Variants in TCTN1 observed in about 807,000 individuals in gnomAD.
TCTN1 encodes the protein tectonic family member 1, also known as tectonic-1.
In TCTN1, 58 loss-of-function variants were observed where a neutral mutation model predicts 65.8. That is an observed-to-expected ratio of 0.88 (90% CI 0.71 to 1.10). The LOEUF (loss-of-function observed/expected upper bound fraction) is 1.10, where lower values mean the gene tolerates loss of function less well. TCTN1 is among the 50% of genes least tolerant of loss of function. The pLI is 0.00. For synonymous variants in TCTN1, 273 were observed against 289.1 expected (o/e 0.94, Z 0.57); for missense variants, 645 against 719.4 (o/e 0.90, Z 1.18).
chr12:110,636,858 A>G (rs1367893679), intron 7 of TCTN1, among the ~76,000 whole-genome samples: 1 of 152,242 alleles, frequency 6.6e-6, no homozygotes, highest in Non-Finnish European at 1.5e-5. Context: ...CTGCCCGTCC[A>G]GGGCAGAAGC....
chr12:110,647,111 A>G, intron 12 of TCTN1, 85 bp from the exon 13 acceptor site: 1 of 1,508,268 alleles, frequency 6.6e-7, no homozygotes, highest in Non-Finnish European at 9.2e-7. Flanking sequence ...AACATTTTGT[A>G]ATATGTGAAA....
chr12:110,634,241 A>C (rs1287418680), intron 5 of TCTN1, among the ~76,000 whole-genome samples: 5 of 152,126 alleles, frequency 3.3e-5, no homozygotes, highest in Admixed American at 6.6e-5. Context: ...GAGACACAAG[A>C]AGCCTCATGC....
At position 110,639,839 on chromosome 12, in the gene TCTN1, C is replaced by T. The variant is rs117147793; in HGVS notation, c.844-544C>T. ...CTCCTCATTCTTCCCCAGCTTTGTC[C>T]CCCATCCCCTGGCAACCACCGATCT... On this transcript the variant is annotated intron_variant, in intron 7 of 14. Transcript: ENST00000397659. This position sits in a 1 kb window ranked among gnomAD's most constrained non-coding sequence, Gnocchi z 4.9. Among the ~76,000 whole-genome samples the T allele has an allele frequency of 4.9e-3, 741 of 152,154 alleles. 1 individual carries two copies. The highest frequency in any genetic ancestry group is 8.5e-3 in the Non-Finnish European group (581 of 68,002).
intron 1 of TCTN1, among the ~76,000 whole-genome samples, chr12:110,617,887 C>T (rs2065154271): frequency 6.6e-6 from 1 of 152,044 alleles, no homozygotes. Context: ...GATCCACCTG[C>T]CTCAGCCTCC....
intron 5 of TCTN1, among the ~76,000 whole-genome samples, chr12:110,633,173 C>A (rs183767113): frequency 6.6e-6 from 1 of 152,316 alleles, no homozygotes; most frequent in East Asian, 1.9e-4. Context: ...CAAGAGTTTG[C>A]AGAATGGCCC....
chr12:110,635,366 C>T (rs987227425), intron 6 of TCTN1, among the ~76,000 whole-genome samples: 7 of 152,152 alleles, frequency 4.6e-5, no homozygotes, highest in African/African-American at 1.7e-4. Flanking sequence ...TGATTAAAAA[C>T]CATATGATAG....
intron 14 of TCTN1, 110 bp downstream of exon 14, chr12:110,648,003 G>A (rs1421470923): frequency 4.6e-6 from 7 of 1,521,986 alleles, no homozygotes; most frequent in South Asian, 1.1e-5. Context: ...TGAGGGTCTC[G>A]CTTTGTTGCC....
At chr12:110,624,003 A>T (rs982258150) in intron 2 of TCTN1, among the ~76,000 whole-genome samples, 1 of 152,220 alleles carries the variant, frequency 6.6e-6, no homozygotes, top group Non-Finnish European at 1.5e-5. Flanking sequence ...TTAAGTGAGA[A>T]AAGCCTTAAA....
Position 110,639,731 on chromosome 12 carries a change from G to A in TCTN1, c.844-652G>A, listed in dbSNP as rs529564507. ...AAAGTATACAATTCTGTGGTTTTTA[G>A]TATAGTCACAGGTTGTGCAACCATC... On this transcript the variant is annotated intron_variant, in intron 7 of 14. Coordinates refer to ENST00000397659, the MANE Select transcript of TCTN1 (RefSeq NM_001082538.3). The surrounding 1 kb of genome is among the most constrained non-coding windows in gnomAD (Gnocchi z 4.9). Among the ~76,000 whole-genome samples, 2 of 152,178 alleles carry A rather than the reference G, an allele frequency of 1.3e-5. No homozygotes were observed. The highest frequency in any genetic ancestry group is 4.1e-4 in the South Asian group (2 of 4,822).
At chr12:110,641,430 T>C (rs563191495) in intron 9 of TCTN1, 112 bp from the exon 10 acceptor site, 1 of 1,107,402 alleles carries the variant, frequency 9.0e-7, no homozygotes, top group African/African-American at 1.6e-5. Context: ...GAGGGAGAAA[T>C]TCTTTTATTG....
At chr12:110,624,575 C>T (rs984263393) in intron 2 of TCTN1, among the ~76,000 whole-genome samples, 9 of 149,248 alleles carry the variant, frequency 6.0e-5, no homozygotes, top group African/African-American at 2.0e-4. Context: ...AGACTTAACT[C>T]ATAACTTCTT....
chr12:110,622,805 C>T (rs1194737196), intron 2 of TCTN1, among the ~76,000 whole-genome samples: 1 of 152,158 alleles, frequency 6.6e-6, no homozygotes, highest in Non-Finnish European at 1.5e-5. Context: ...GGATCAGATT[C>T]CCATCTTATG....
intron 5 of TCTN1, chr12:110,634,433 C>G (rs1226711258): frequency 1.8e-6 from 1 of 560,564 alleles, no homozygotes; most frequent in East Asian, 4.1e-5. Context: ...TCCCAGCACT[C>G]TGGGAGGCCG....
rs1056341678 is a variant in TCTN1, at chr12:110,641,075, C to T, written c.1030C>T (p.Leu344Phe). 3.1e-6 allele frequency: 5 copies of T among 1,614,244 alleles called. No individual in the cohort carries two copies. Among genetic ancestry groups the T allele is most frequent in the Non-Finnish European group, 4.2e-6 (5 of 1,180,054 alleles). ...TGCAGGTGAAGTCACCAAAGCTGAT[C>T]TCTCATTCGTTCTGGGGACAGTTAG... Reference protein sequence around the residue: ...TDAGEVTKADLSFVLGTVSSV... With the variant: ...TDAGEVTKADFSFVLGTVSSV... The change falls in exon 9 of 15, where the codon CTC becomes TTC. Residue 344 changes from leucine to phenylalanine, a missense_variant. Physicochemically the swap from Leu to Phe is conservative, Grantham distance 22. Coordinates refer to ENST00000397659, the MANE Select transcript of TCTN1 (RefSeq NM_001082538.3).
intron 1 of TCTN1, among the ~76,000 whole-genome samples, chr12:110,619,606 A>C (rs370272738): frequency 6.6e-6 from 1 of 152,212 alleles, no homozygotes; most frequent in Non-Finnish European, 1.5e-5. Context: ...TAGGCAAAGC[A>C]CTAACAGAAC....
At chr12:110,629,184 G>A (rs1593285507) in intron 4 of TCTN1, 2 of 538,890 alleles carry the variant, frequency 3.7e-6, no homozygotes, top group Admixed American at 3.6e-5. Flanking sequence ...CATAGACATG[G>A]GCAAAGACAT....
chr12:110,645,021 G>T lies in TCTN1; in HGVS notation c.1386G>T (p.Leu462=), dbSNP rs370730463. The change falls in exon 12 of 15, where the codon CTG becomes CTT. Residue 462 remains leucine (L), a synonymous_variant. Transcript: ENST00000397659. The part of the protein sequence containing the change: ...QLVAQKVKSL[L]WGQGFPDYVA... ...TAGCACAGAAGGTGAAGAGCCTGCT[G>T]TGGGGCCAGGGCTTCCCAGATTACG... The T allele has an allele frequency of 2.0e-5, 33 of 1,614,136 alleles. No homozygotes were observed. The highest frequency in any genetic ancestry group is 2.8e-5 in the Non-Finnish European group (33 of 1,180,050).
rs1326147121 is a variant in TCTN1, at chr12:110,644,601, C to T, written c.1332-366C>T. 3.3e-6 allele frequency: 1 copy of T among 305,176 alleles called. No individual in the cohort carries two copies. Among genetic ancestry groups the T allele is most frequent in the Non-Finnish European group, 6.3e-6 (1 of 157,884 alleles). 18.9% of individuals were successfully genotyped at this position (305,176 alleles called of 1,614,324 possible). Reference sequence around the variant, plus strand: ...GCTGAGGCAGGAGAATCACTTGAACCTGGGAGGCGGTGGTTGCAGTGAGCC... The same window carrying T: ...GCTGAGGCAGGAGAATCACTTGAACTTGGGAGGCGGTGGTTGCAGTGAGCC... On this transcript the variant is annotated intron_variant, in intron 11 of 14. Transcript: ENST00000397659. This position sits in a 1 kb window ranked among gnomAD's most constrained non-coding sequence, Gnocchi z 4.6.
intron 3 of TCTN1, among the ~76,000 whole-genome samples, chr12:110,627,477 A>G (rs553893033): frequency 6.6e-6 from 1 of 152,328 alleles, no homozygotes; most frequent in South Asian, 2.1e-4. Context: ...AGGTAATAGG[A>G]AGTAACTTTA....
Sources: allele counts gnomAD v4.1 joint callset (sites outside exome capture counted in the v4.1 genomes callset), GRCh38; gene constraint gnomAD v4.1.1; non-coding constraint Gnocchi (gnomAD v3.1); transcripts MANE v1.5; gene names NCBI Gene and HGNC (gene_info 2026-07-23, HGNC 2026-07-21).